The following GPATCH2L variants were observed in gnomAD, a reference collection of about 807,000 sequenced individuals.
GPATCH2L encodes G-patch domain containing 2 like, also known as G patch domain-containing protein 2-like.
GPATCH2L carries 31 observed loss-of-function variants against 57.4 expected under a neutral mutation model. The ratio of observed to expected loss-of-function variants is 0.54; its 90% CI spans 0.41 to 0.73. GPATCH2L has a LOEUF of 0.73. Ranked by LOEUF, GPATCH2L falls within the 30% of genes least tolerant of loss-of-function variation. GPATCH2L has a pLI of 0.00. For missense variants in GPATCH2L, 481 were observed against 599.9 expected, an observed-to-expected ratio of 0.80 and a Z score of 2.07; for synonymous variants, 199 against 210.7, an observed-to-expected ratio of 0.94 and a Z score of 0.48.
At chr14:76,177,804 T>TC in intron 6 of GPATCH2L, 184 bp from the exon 7 acceptor site, 1 of 784,434 alleles carries the variant, frequency 1.3e-6, no homozygotes, top group Middle Eastern at 3.6e-4. Flanking sequence ...ACTTAATTAT[T>TC]CCAACATCTT....
chr14:76,180,573 G>T (rs1240936345), intron 7 of GPATCH2L, among the ~76,000 whole-genome samples, 191 bp from the exon 8 acceptor site: 7 of 151,948 alleles, frequency 4.6e-5, no homozygotes, highest in African/African-American at 1.7e-4. Context: ...TTTTTCCGAG[G>T]TGTGCTAGAT....
rs1446713734 is a variant in GPATCH2L, at chr14:76,172,010, G to T, written c.895G>T (p.Ala299Ser). The change falls in exon 4 of 10, where the codon GCT becomes TCT. Residue 299 changes from alanine to serine, a missense_variant. Coordinates refer to ENST00000261530, the MANE Select transcript of GPATCH2L (RefSeq NM_017926.4). ...DSTFLLPSRP[A>S]QRGYHTRLNR... ...CACATTCCTTTTACCTTCTCGGCCA[G>T]CTCAAAGAGGTGAGTTCTGAGGAGA... 2.5e-6 allele frequency: 4 copies of T among 1,605,772 alleles called. No individual in the cohort carries two copies. Among genetic ancestry groups the T allele is most frequent in the Non-Finnish European group, 3.4e-6 (4 of 1,175,834 alleles).
In GPATCH2L at chr14:76,173,615, T is replaced by C; in HGVS notation, c.974T>C (p.Leu325Pro). ...TGCCTCAGAAAGGGGCGAAGAAGGC[T>C]GGTTGGGAAGGTGATACCTCTCACA... ...ARCLRKGRRR[L>P]VGKETSINTL... Residue 325 changes from leucine (L) to proline (P), a missense_variant, in exon 5 of 10, where the codon CTG (leucine) becomes CCG (proline). Around this residue, in one of 3 missense-constraint regions of GPATCH2L, gnomAD observed 248 missense variants for 270.5 expected, o/e 0.92. Coordinates refer to ENST00000261530, the MANE Select transcript of GPATCH2L (RefSeq NM_017926.4). 6.2e-7 allele frequency: 1 copy of C among 1,606,528 alleles called. No individual in the cohort carries two copies. Among genetic ancestry groups the C allele is most frequent in the Non-Finnish European group, 8.5e-7 (1 of 1,173,094 alleles).
chr14:76,216,130 T>C (rs1009467442), downstream of GPATCH2L, among the ~76,000 whole-genome samples: 2 of 151,966 alleles, frequency 1.3e-5, no homozygotes, highest in Non-Finnish European at 2.9e-5. Flanking sequence ...ACCCTCCAAG[T>C]GCTACCCTTA....
intron 2 of GPATCH2L, among the ~76,000 whole-genome samples, chr14:76,163,988 G>A (rs1240072850): frequency 1.3e-5 from 2 of 152,200 alleles, no homozygotes; most frequent in Non-Finnish European, 2.9e-5. Flanking sequence ...GGTTAGGCAA[G>A]GAAGGGTGAA....
At chr14:76,187,261 C>A (rs2039801928) in intron 8 of GPATCH2L, among the ~76,000 whole-genome samples, 1 of 151,988 alleles carries the variant, frequency 6.6e-6, no homozygotes, top group African/African-American at 2.4e-5. Flanking sequence ...CTGATTACAA[C>A]TCAGTGTCTC....
chr14:76,199,055 T>G (rs1278367310), intron 9 of GPATCH2L, among the ~76,000 whole-genome samples: 1 of 152,200 alleles, frequency 6.6e-6, no homozygotes, highest in Non-Finnish European at 1.5e-5. Context: ...TAAACATGTT[T>G]CTTAGTAAAT....
rs1184615446 is a variant in GPATCH2L at position 76,196,425 on chromosome 14, T to A, written c.1288+453T>A. On this transcript the variant is annotated intron_variant, in intron 9 of 9. Coordinates refer to ENST00000261530, the MANE Select transcript of GPATCH2L (RefSeq NM_017926.4). ...CCTAATTAAAAACAATTTTTTAGGCTAAAACTTTTCAGTTTTTTTTTTTTT... is the reference window on the plus strand; with the variant it reads ...CCTAATTAAAAACAATTTTTTAGGCAAAAACTTTTCAGTTTTTTTTTTTTT... 6.6e-5 allele frequency: 13 copies of A among 198,258 alleles called. No individual in the cohort carries two copies. In the East Asian group the frequency reaches 8.5e-4, roughly 13 times the overall value. 12.3% of individuals were successfully genotyped at this position (198,258 alleles called of 1,614,324 possible).
At chr14:76,184,421 T>C (rs2121070) in intron 8 of GPATCH2L, among the ~76,000 whole-genome samples, 116,024 of 150,534 alleles carry the variant, frequency 0.77, 45,546 homozygotes, top group South Asian at 0.88. Context: ...TCCATTCTCC[T>C]AAGCAAGAGC....
At position 76,204,194 on chromosome 14, in the gene GPATCH2L, G is replaced by C. The variant is rs1285808936; in HGVS notation, c.*2343G>C. On this transcript the variant is annotated 3_prime_UTR_variant, in exon 10 of 10. Coordinates refer to ENST00000261530, the MANE Select transcript of GPATCH2L (RefSeq NM_017926.4). ...CTGGGTTATAATCTCTTGTTTTTCA[G>C]TGATAGACCTGAGTCAGTCTGAGAT... 1 of 152,156 alleles carries C rather than the reference G, an allele frequency of 6.6e-6. No homozygotes were observed. The highest frequency in any genetic ancestry group is 1.5e-5 in the Non-Finnish European group (1 of 68,032). The allele number at this position is 152,156 out of a possible 1,614,324, so 9.4% of individuals were successfully genotyped here. A position where few individuals can be genotyped will look rare whatever the true frequency, so the allele number is the denominator to read the frequency against.
At position 76,195,985 on chromosome 14, in the gene GPATCH2L, A is replaced by ACTG; in HGVS notation, c.1288+13_1288+14insCTG. ...AGCCCCAGTGCAGGTGATTACATGC[A>ACTG]GTTATCATTTATTGAGCATGTACCG... On this transcript the variant is annotated intron_variant, in intron 9 of 9. Coordinates refer to ENST00000261530, the MANE Select transcript of GPATCH2L (RefSeq NM_017926.4). 2 of 1,573,642 alleles carry ACTG rather than the reference A, an allele frequency of 1.3e-6. No homozygotes were observed. The highest frequency in any genetic ancestry group is 1.7e-6 in the Non-Finnish European group (2 of 1,143,048).
At chr14:76,173,156 T>A (rs2039163573) in intron 4 of GPATCH2L, among the ~76,000 whole-genome samples, 1 of 152,192 alleles carries the variant, frequency 6.6e-6, no homozygotes, top group Admixed American at 6.5e-5. Flanking sequence ...ATGTCATGAA[T>A]TAGAATGTTT....
chr14:76,182,000 A>G (rs1291722676), intron 8 of GPATCH2L, among the ~76,000 whole-genome samples: 2 of 152,206 alleles, frequency 1.3e-5, no homozygotes, highest in Non-Finnish European at 2.9e-5. Flanking sequence ...CTTTCTACTG[A>G]AGAAGTGGTA....
rs1489323780 is a variant in GPATCH2L at position 76,212,159 on chromosome 14, A to G, written c.*10308A>G. ...CTGCTAATTATGAGAAAAAACATGT[A>G]TGCACAACCAAACAAATCACAAAAA... On this transcript the variant is annotated 3_prime_UTR_variant, in exon 10 of 10. Transcript: ENST00000261530. The G allele has an allele frequency of 6.6e-6, 1 of 152,192 alleles. No homozygotes were observed. The highest frequency in any genetic ancestry group is 6.6e-5 in the Admixed American group (1 of 15,266). The allele number at this position is 152,192 out of a possible 1,614,324, so 9.4% of individuals were successfully genotyped here.
At chr14:76,174,197 G>C (rs1470511165) in intron 5 of GPATCH2L, 1 of 152,626 alleles carries the variant, frequency 6.6e-6, no homozygotes, top group Non-Finnish European at 1.5e-5. Context: ...ACCTTCAGCA[G>C]ATGAGGAAAA....
chr14:76,182,822 A>T (rs17104207), intron 8 of GPATCH2L, among the ~76,000 whole-genome samples: 3 of 152,182 alleles, frequency 2.0e-5, no homozygotes, highest in Non-Finnish European at 4.4e-5. Flanking sequence ...TTGAAAAAGC[A>T]CAGAGGAGGG....
Position 76,210,761 on chromosome 14 carries a change from T to A in GPATCH2L, c.*8910T>A, listed in dbSNP as rs929924011. ...ATGTTAATGTTAGTGATAGACTGTT[T>A]TCAACACCTTGGTAAACATTTCTTT... On this transcript the variant is annotated 3_prime_UTR_variant, in exon 10 of 10. Transcript: ENST00000261530. The A allele has an allele frequency of 6.6e-6, 1 of 152,216 alleles. No homozygotes were observed. Among genetic ancestry groups the A allele is most frequent in the African/African-American group, 2.4e-5 (1 of 41,454 alleles). The allele number at this position is 152,216 out of a possible 1,614,324, so 9.4% of individuals were successfully genotyped here.
intron 8 of GPATCH2L, among the ~76,000 whole-genome samples, chr14:76,187,801 T>C (rs1244434510): frequency 2.0e-5 from 3 of 152,080 alleles, no homozygotes; most frequent in Non-Finnish European, 4.4e-5. Flanking sequence ...TGCTATCAAA[T>C]AGTAGATCTT....
At chr14:76,228,083 C>G (rs1216825711) in intron 1 of GPATCH2L, among the ~76,000 whole-genome samples, 4 of 152,236 alleles carry the variant, frequency 2.6e-5, no homozygotes, top group African/African-American at 9.6e-5. Context: ...TGTGTGGCTA[C>G]AGCACTGATG....
Sources: gnomAD v4.1 joint callset for allele counts (sites outside exome capture counted in the v4.1 genomes callset) on GRCh38, gnomAD v4.1.1 for gene constraint, gnomAD v4.1.1 regional missense constraint, MANE v1.5 for transcripts, NCBI Gene and HGNC (gene_info 2026-07-23, HGNC 2026-07-21) for gene names.